Variants in SH3BP5 observed in about 807,000 individuals in gnomAD.
SH3BP5 encodes SH3 domain-binding protein 5.
A neutral mutation model predicts 43.3 loss-of-function variants in SH3BP5; 22 were observed. That is an observed-to-expected ratio of 0.51 (90% CI 0.36 to 0.73). SH3BP5 has a LOEUF of 0.73. SH3BP5 is among the 30% of genes least tolerant of loss of function. The pLI is 0.00. For missense variants in SH3BP5, 529 were observed against 586.9 expected, an observed-to-expected ratio of 0.90 and a Z score of 1.02; for synonymous variants, 255 against 225.8, an observed-to-expected ratio of 1.13 and a Z score of -1.16.
In SH3BP5 at chr3:15,262,077, T is replaced by G; in HGVS notation, c.626+82A>C. On this transcript the variant is annotated intron_variant, in intron 5 of 8. Coordinates refer to ENST00000383791, the MANE Select transcript of SH3BP5 (RefSeq NM_004844.5). ...TCAAAGGACTACTCAGGGTGGTCCT[T>G]GAGTGTGTGACATACAAAAGGCTGA... 3 of 1,543,862 alleles carry G rather than the reference T, an allele frequency of 1.9e-6. No individual in the cohort carries two copies. The South Asian group carries it at 3.5e-5, about 18-fold the overall frequency.
chr3:15,259,611 G>A, intron 6 of SH3BP5, 150 bp downstream of exon 6: 1 of 811,632 alleles, frequency 1.2e-6, no homozygotes. Flanking sequence ...ACCCAACCGA[G>A]ACAATTTTGA....
At chr3:15,278,291 GA>G (rs1364405678) in intron 3 of SH3BP5, among the ~76,000 whole-genome samples, 10 of 152,150 alleles carry the variant, frequency 6.6e-5, no homozygotes, top group Admixed American at 4.6e-4. Context: ...AAAAACCTTT[GA>G]AAACATGGTC....
upstream of SH3BP5, among the ~76,000 whole-genome samples, chr3:15,335,365 A>G (rs544539820): frequency 5.9e-4 from 89 of 150,664 alleles, 1 homozygote; most frequent in Non-Finnish European, 8.3e-4. Context: ...ACGACAGAGT[A>G]GGACTTTCTC....
intron 3 of SH3BP5, among the ~76,000 whole-genome samples, chr3:15,275,249 T>C (rs540557654): frequency 1.1e-4 from 17 of 152,346 alleles, no homozygotes; most frequent in African/African-American, 2.2e-4. Flanking sequence ...CCAAAGAGTT[T>C]ACACACTTAT....
In SH3BP5 at chr3:15,256,266, GTCAC is replaced by G; in HGVS notation, c.1184_1187del (p.Ser395ThrfsTer36). 2 of 1,614,146 alleles carry G rather than the reference GTCAC, an allele frequency of 1.2e-6. No individual in the cohort carries two copies. Among genetic ancestry groups the G allele is most frequent in the Non-Finnish European group, 1.7e-6 (2 of 1,180,020 alleles). Reference sequence around the variant, plus strand: ...TGAGGCCCCGGTTGTTGTTGGCTTTGTCACTTGTTTTATTCTCTGCCCCTTCTGC... The same window carrying G: ...TGAGGCCCCGGTTGTTGTTGGCTTTGTTGTTTTATTCTCTGCCCCTTCTGC... On this transcript the variant is annotated frameshift_variant, in exon 9 of 9. Coordinates refer to ENST00000383791, the MANE Select transcript of SH3BP5 (RefSeq NM_004844.5). LOFTEE classifies it low-confidence loss of function (END_TRUNC).
Position 15,269,704 on chromosome 3 carries a change from G to A in SH3BP5, c.495+9C>T. On this transcript the variant is annotated intron_variant, in intron 4 of 8. Coordinates refer to ENST00000383791, the MANE Select transcript of SH3BP5 (RefSeq NM_004844.5). The stretch of plus-strand genomic sequence containing the variant: ...ACACCCCCACAGCACACCCGGCCAT[G>A]ACTCATACCCTCTGAGTGGCGTGAT... 2 of 1,569,914 alleles carry A rather than the reference G, an allele frequency of 1.3e-6. No individual in the cohort carries two copies. Among genetic ancestry groups the A allele is most frequent in the Non-Finnish European group, 1.7e-6 (2 of 1,153,458 alleles).
intron 3 of SH3BP5, among the ~76,000 whole-genome samples, chr3:15,292,256 C>G (rs1684783278): frequency 6.6e-6 from 1 of 152,190 alleles, no homozygotes; most frequent in Non-Finnish European, 1.5e-5. Flanking sequence ...AACTCCACAC[C>G]CTGTTTCCCC....
intron 7 of SH3BP5, chr3:15,258,457 C>G (rs1696306112): frequency 4.0e-6 from 1 of 248,580 alleles, no homozygotes; most frequent in African/African-American, 2.3e-5. Context: ...AACTGAAATA[C>G]AAAGTTAGGC....
intron 1 of SH3BP5, chr3:15,339,699 G>A (rs555092715): frequency 1.3e-5 from 2 of 151,744 alleles, no homozygotes; most frequent in African/African-American, 4.8e-5. Context: ...GACAGAGCAA[G>A]ACTCTATCTC....
At position 15,322,491 on chromosome 3, in the gene SH3BP5, C is replaced by T. The variant is rs183076384; in HGVS notation, c.201+8013G>A. Among the ~76,000 whole-genome samples, 15 of 152,260 alleles carry T rather than the reference C, an allele frequency of 9.9e-5. No homozygotes were observed. In the East Asian group the frequency reaches 2.9e-3, roughly 29 times the overall value. ...GGTTCTGGGGAGGGAAAGGAGAACA[C>T]AAGGTTGTGTTTTACCAGTGTCACA... On this transcript the variant is annotated intron_variant, in intron 2 of 8. Coordinates refer to ENST00000383791, the MANE Select transcript of SH3BP5 (RefSeq NM_004844.5).
chr3:15,294,323 G>GTA (rs1217412896), intron 3 of SH3BP5, among the ~76,000 whole-genome samples: 5 of 139,716 alleles, frequency 3.6e-5, no homozygotes, highest in South Asian at 2.2e-4. Flanking sequence ...GTGTGTGTGT[G>GTA]TGTGTGTGCG....
chr3:15,272,846 G>A (rs894095963), intron 3 of SH3BP5, among the ~76,000 whole-genome samples: 7 of 152,156 alleles, frequency 4.6e-5, no homozygotes, highest in Non-Finnish European at 1.0e-4. Context: ...TCACCATGTG[G>A]CCCTGGGACC....
intron 2 of SH3BP5, among the ~76,000 whole-genome samples, chr3:15,306,063 A>AAAAAAAAAAAG (rs1407014068): frequency 2.6e-5 from 4 of 151,378 alleles, no homozygotes; most frequent in South Asian, 2.1e-4. Context: ...TTAAAAAAAA[A>AAAAAAAAAAAG]AGAGAAATGG....
Position 15,256,949 on chromosome 3 carries a change from G to T in SH3BP5, c.1054C>A (p.Pro352Thr), listed in dbSNP as rs751868096. ...ATCCCAAACTCTGACAGGGACACAGGGCTGGGCAGATCCAGGCTGCCAGGC... is the reference window on the plus strand; with the variant it reads ...ATCCCAAACTCTGACAGGGACACAGTGCTGGGCAGATCCAGGCTGCCAGGC... Reference protein sequence around the residue: ...VRPGSLDLPSPVSLSEFGMMF... With the variant: ...VRPGSLDLPSTVSLSEFGMMF... Residue 352 changes from proline (P) to threonine (T), a missense_variant, in exon 8 of 9, where the codon CCT (proline) becomes ACT (threonine). By Grantham distance (38) the Pro-to-Thr change is conservative (BLOSUM62 -1). Around this residue, in one of 3 missense-constraint regions of SH3BP5, gnomAD observed 369 missense variants for 384.3 expected, o/e 0.96. Transcript: ENST00000383791. The T allele has an allele frequency of 6.2e-7, 1 of 1,614,080 alleles. No homozygotes were observed. The highest frequency in any genetic ancestry group is 8.5e-7 in the Non-Finnish European group (1 of 1,180,034).
chr3:15,331,363 T>A (rs1194641679), intron 1 of SH3BP5, among the ~76,000 whole-genome samples: 1 of 152,178 alleles, frequency 6.6e-6, no homozygotes, highest in African/African-American at 2.4e-5. Flanking sequence ...AATTGATCTG[T>A]GCACTAAAAA....
chr3:15,290,525 CAAAAAAAA>C (rs3031239), intron 3 of SH3BP5, among the ~76,000 whole-genome samples: 2 of 56,274 alleles, frequency 3.6e-5, no homozygotes, highest in Non-Finnish European at 3.5e-5. Flanking sequence ...GACTCTGTCC[CAAAAAAAA>C]AAAAAAAAAA....
chr3:15,338,720 TC>T (rs1698730525), intron 1 of SH3BP5, among the ~76,000 whole-genome samples: 2 of 147,962 alleles, frequency 1.4e-5, no homozygotes. Flanking sequence ...ACTAGCAAGG[TC>T]CCCCGAAAAA....
intron 2 of SH3BP5, among the ~76,000 whole-genome samples, chr3:15,325,081 G>A (rs971853897): frequency 6.6e-6 from 1 of 152,198 alleles, no homozygotes; most frequent in Non-Finnish European, 1.5e-5. Flanking sequence ...CCCACTTTCA[G>A]AGCAAGCACG....
intron 4 of SH3BP5, among the ~76,000 whole-genome samples, chr3:15,269,451 TG>T (rs1696735862): frequency 6.6e-6 from 1 of 152,124 alleles, no homozygotes; most frequent in Admixed American, 6.5e-5. Context: ...CAAGACCCCC[TG>T]GGGATGACCC....
Sources: gnomAD v4.1 joint callset for allele counts (sites outside exome capture counted in the v4.1 genomes callset) on GRCh38, gnomAD v4.1.1 for gene constraint, gnomAD v4.1.1 regional missense constraint, MANE v1.5 for transcripts, NCBI Gene and HGNC (gene_info 2026-07-23, HGNC 2026-07-21) for gene names.